Variants in TENM2 observed in about 807,000 individuals in gnomAD.
TENM2 encodes the protein teneurin transmembrane protein 2.
A neutral mutation model predicts 245.2 loss-of-function variants in TENM2; 52 were observed. The ratio of observed to expected loss-of-function variants is 0.21; its 90% confidence interval spans 0.17 to 0.27. The LOEUF (loss-of-function observed/expected upper bound fraction) is 0.27. Ranked by LOEUF, TENM2 falls within the 10% of genes least tolerant of loss-of-function variation. The probability of loss-of-function intolerance (pLI) is 1.00; values close to 1 mark genes in which losing one functional copy is unlikely to be tolerated. For synonymous variants in TENM2, 1,363 were observed against 1,438.9 expected (o/e 0.95, Z 1.19); for missense variants, 3,046 against 3,666.8 (o/e 0.83, Z 4.37).
intron 12 of TENM2, among the ~76,000 whole-genome samples, chr5:168,157,365 T>C (rs1757274926): frequency 6.6e-6 from 1 of 152,130 alleles, no homozygotes. Context: ...CATGGGTCAA[T>C]GGAAAGCTAT....
At chr5:167,725,149 T>A (rs2150532075) in intron 2 of TENM2, among the ~76,000 whole-genome samples, 1 of 152,336 alleles carries the variant, frequency 6.6e-6, no homozygotes. Context: ...GGGAAATGGA[T>A]TCTTATTAAA....
the TENM2 span, among the ~76,000 whole-genome samples, chr5:167,071,516 T>C: frequency 1.2e-4 from 18 of 152,180 alleles, no homozygotes; most frequent in African/African-American, 3.4e-4. Context: ...CAAGGTCTTA[T>C]AGTGTTGTCT....
intron 2 of TENM2, among the ~76,000 whole-genome samples, chr5:167,740,751 C>T (rs1304154349): frequency 1.2e-4 from 18 of 152,184 alleles, no homozygotes; most frequent in Admixed American, 1.2e-3. Context: ...CTTCTTTATT[C>T]TGCAAGACTG....
the TENM2 span, among the ~76,000 whole-genome samples, chr5:167,224,788 G>C: frequency 6.6e-6 from 1 of 151,850 alleles, no homozygotes; most frequent in Non-Finnish European, 1.5e-5. Context: ...AGACTGCTTT[G>C]AGCAGTATGG....
At chr5:167,467,667 T>G (rs924286039) in intron 2 of TENM2, among the ~76,000 whole-genome samples, 2 of 152,156 alleles carry the variant, frequency 1.3e-5, no homozygotes, top group African/African-American at 4.8e-5. Flanking sequence ...AAAATAGGAC[T>G]GGAATTATGA....
intron 8 of TENM2, among the ~76,000 whole-genome samples, chr5:168,092,624 G>A (rs1793039770): frequency 1.3e-5 from 2 of 152,214 alleles, no homozygotes; most frequent in African/African-American, 4.8e-5. Context: ...CAACGGGGAA[G>A]AAAAGTAATA....
chr5:167,523,579 GAA>G (rs1309901252), intron 2 of TENM2, among the ~76,000 whole-genome samples: 2 of 151,996 alleles, frequency 1.3e-5, no homozygotes, highest in Non-Finnish European at 1.5e-5. Flanking sequence ...TTCGCTCATT[GAA>G]AAAAAGAGTC....
At position 167,870,569 on chromosome 5, in the gene TENM2, A is replaced by ATATATATATATATG. The variant is rs372917707; in HGVS notation, c.503-5416_503-5415insATATATATATATGT. Among the ~76,000 whole-genome samples, 126 of 142,430 alleles carry ATATATATATATATG rather than the reference A, an allele frequency of 8.8e-4. 1 individual carries two copies. The highest frequency in any genetic ancestry group is 2.7e-3 in the African/African-American group (99 of 36,182). 93.4% of individuals were successfully genotyped at this position (142,430 alleles called of 152,430 possible). On this transcript the variant is annotated intron_variant, in intron 2 of 28. Coordinates refer to ENST00000518659, the Ensembl canonical transcript of TENM2. ...AATGTGTATACATATATATATATAT[A>ATATATATATATATG]TGTGTGTGTATATATATATGTATAT... is the stretch of plus-strand genomic sequence containing the variant.
chr5:167,461,059 A>T (rs1181291350), intron 2 of TENM2, among the ~76,000 whole-genome samples: 1 of 152,102 alleles, frequency 6.6e-6, no homozygotes. Flanking sequence ...AAAACATGGG[A>T]CTCACTATAG....
At chr5:167,754,497 A>G (rs971252381) in intron 2 of TENM2, among the ~76,000 whole-genome samples, 2 of 152,186 alleles carry the variant, frequency 1.3e-5, no homozygotes, top group African/African-American at 4.8e-5. Context: ...ATTCTATAGC[A>G]TCCGTCAACA....
At chr5:167,759,598 A>G (rs1762530957) in intron 2 of TENM2, among the ~76,000 whole-genome samples, 1 of 151,986 alleles carries the variant, frequency 6.6e-6, no homozygotes, top group Non-Finnish European at 1.5e-5. Context: ...ACGTGAGGAG[A>G]GATGGGAAAG....
chr5:167,451,151 G>T (rs1765557881), intron 2 of TENM2, among the ~76,000 whole-genome samples: 1 of 152,098 alleles, frequency 6.6e-6, no homozygotes, highest in Non-Finnish European at 1.5e-5. Context: ...CTAAATTCAA[G>T]CTAGTTCTGT....
At position 167,451,739 on chromosome 5, in the gene TENM2, C is replaced by T. The variant is rs995482438; in HGVS notation, c.502+76266C>T. Among the ~76,000 whole-genome samples, 10 of 152,156 alleles carry T rather than the reference C, an allele frequency of 6.6e-5. No individual in the cohort carries two copies. The East Asian group carries it at 1.9e-3, about 30-fold the overall frequency. The stretch of plus-strand genomic sequence containing the variant: ...CCTGGGCTCACTGCAAGCTCCGCCT[C>T]CCGGGTTCATGCCATTCTTCTGCCT... On this transcript the variant is annotated intron_variant, in intron 2 of 28. Transcript: ENST00000518659.
chr5:167,431,970 T>TGTGTATATATATATATATATAA (rs1554150945), intron 2 of TENM2, among the ~76,000 whole-genome samples: 2 of 135,530 alleles, frequency 1.5e-5, no homozygotes, highest in African/African-American at 5.7e-5. Flanking sequence ...TGTATATATA[T>TGTGTATATATATATATATATAA]ATATATATGG....
At chr5:167,273,602 T>G in the TENM2 span, among the ~76,000 whole-genome samples, 1 of 152,152 alleles carries the variant, frequency 6.6e-6, no homozygotes, top group Non-Finnish European at 1.5e-5. Context: ...AAAAATATGT[T>G]GGCAAATGTG....
intron 12 of TENM2, among the ~76,000 whole-genome samples, chr5:168,147,416 A>C (rs574713225): frequency 2.8e-4 from 42 of 152,350 alleles, no homozygotes; most frequent in African/African-American, 1.0e-3. Context: ...CGGCCTGGCT[A>C]TCCTGAACTT....
intron 2 of TENM2, among the ~76,000 whole-genome samples, chr5:167,472,322 T>C (rs1335436908): frequency 2.6e-5 from 4 of 152,226 alleles, no homozygotes; most frequent in African/African-American, 9.6e-5. Context: ...TTGGAAATTA[T>C]AGCCAGTGTT....
chr5:168,081,719 G>A (rs1581245435), intron 7 of TENM2, among the ~76,000 whole-genome samples: 2 of 152,120 alleles, frequency 1.3e-5, no homozygotes, highest in Non-Finnish European at 2.9e-5. Flanking sequence ...TGAAATTCTG[G>A]GTTGAAAATT....
At chr5:167,454,583 A>G (rs1258308909) in intron 2 of TENM2, among the ~76,000 whole-genome samples, 1 of 151,816 alleles carries the variant, frequency 6.6e-6, no homozygotes, top group Non-Finnish European at 1.5e-5. Flanking sequence ...GTATGTGTGC[A>G]CATGCATGTG....
Sources: gnomAD v4.1 joint callset for allele counts (sites outside exome capture counted in the v4.1 genomes callset) on GRCh38, gnomAD v4.1.1 for gene constraint, MANE v1.5 for transcripts, NCBI Gene and HGNC (gene_info 2026-07-23, HGNC 2026-07-21) for gene names.